Variants in STK32B observed in about 807,000 individuals in gnomAD.
STK32B encodes serine/threonine-protein kinase 32B.
In STK32B, 43 loss-of-function variants were observed where a neutral mutation model predicts 52.6. The observed-to-expected ratio is 0.82, with a 90% CI of 0.64 to 1.05. STK32B has a LOEUF of 1.05. STK32B is among the 50% of genes least tolerant of loss of function. STK32B has a pLI of 0.00. For missense variants in STK32B, 621 were observed against 534.6 expected, an observed-to-expected ratio of 1.16 and a Z score of -1.59; for synonymous variants, 238 against 204.3, an observed-to-expected ratio of 1.17 and a Z score of -1.41.
chr4:5,272,401 G>C (rs372232936), intron 3 of STK32B, among the ~76,000 whole-genome samples: 1 of 141,350 alleles, frequency 7.1e-6, no homozygotes, highest in African/African-American at 2.9e-5. Flanking sequence ...GCTGGATTCG[G>C]TTTGCCAGTA....
intron 4 of STK32B, among the ~76,000 whole-genome samples, chr4:5,389,292 G>GT (rs1736450276): frequency 6.6e-6 from 1 of 152,186 alleles, no homozygotes; most frequent in Non-Finnish European, 1.5e-5. Flanking sequence ...GCCTACCTGT[G>GT]TTTGTCTGCT....
intron 3 of STK32B, among the ~76,000 whole-genome samples, chr4:5,204,895 C>T (rs1722447876): frequency 6.6e-6 from 1 of 152,204 alleles, no homozygotes; most frequent in African/African-American, 2.4e-5. Flanking sequence ...TTTCTATCAA[C>T]TTGACTGGTC....
At chr4:5,473,965 T>C (rs1718035380) in intron 11 of STK32B, among the ~76,000 whole-genome samples, 1 of 151,962 alleles carries the variant, frequency 6.6e-6, no homozygotes, top group South Asian at 2.1e-4. Context: ...AATACAAAAA[T>C]TAGTCTGGTG....
At chr4:5,357,695 C>T (rs937322476) in intron 4 of STK32B, among the ~76,000 whole-genome samples, 2 of 124,494 alleles carry the variant, frequency 1.6e-5, no homozygotes, top group African/African-American at 7.0e-5. Flanking sequence ...ACATTCTGAC[C>T]TGCTAGTTTC....
At chr4:5,163,882 G>C (rs1180612626) in intron 2 of STK32B, among the ~76,000 whole-genome samples, 5 of 152,176 alleles carry the variant, frequency 3.3e-5, no homozygotes, top group Admixed American at 2.0e-4. Context: ...CTAAGGGTTT[G>C]GTTCCAGGCA....
intron 1 of STK32B, among the ~76,000 whole-genome samples, chr4:5,090,868 G>A (rs1713042453): frequency 6.6e-6 from 1 of 152,012 alleles, no homozygotes; most frequent in Admixed American, 6.6e-5. Context: ...TGCTCTATTG[G>A]TCTATATGAA....
rs1296048957 is a variant in STK32B at position 5,363,675 on chromosome 4, T to C, written c.434+32282T>C. Among the ~76,000 whole-genome samples the C allele has an allele frequency of 2.0e-5, 3 of 152,206 alleles. No individual in the cohort carries two copies. The East Asian group carries it at 5.8e-4, about 29-fold the overall frequency. Reference sequence around the variant, plus strand: ...CATGCTCTAATCAGCCAAAGAATTATGGGTGGAGAAAAGCATTTTTGAGCC... The same window carrying C: ...CATGCTCTAATCAGCCAAAGAATTACGGGTGGAGAAAAGCATTTTTGAGCC... On this transcript the variant is annotated intron_variant, in intron 4 of 11. Transcript: ENST00000282908.
rs1384126958 is a variant in STK32B, at chr4:5,399,849, C to T, written c.472+1605C>T. On this transcript the variant is annotated intron_variant, in intron 5 of 11. Coordinates refer to ENST00000282908, the MANE Select transcript of STK32B (RefSeq NM_018401.3). This position sits in a 1 kb window ranked among gnomAD's most constrained non-coding sequence, Gnocchi z 5.4. ...AAGGGGTAGATAACTCGCCCTCTTC[C>T]TGTCCCCTTTCTCTGCTCAGGGCCA... is the stretch of plus-strand genomic sequence containing the variant. 6.6e-6 allele frequency among the ~76,000 whole-genome samples: 1 copy of T among 152,154 alleles called. No homozygotes were observed. Among genetic ancestry groups the T allele is most frequent in the Non-Finnish European group, 1.5e-5 (1 of 68,030 alleles).
intron 4 of STK32B, among the ~76,000 whole-genome samples, chr4:5,371,475 G>A (rs890173484): frequency 2.8e-4 from 43 of 152,278 alleles, no homozygotes; most frequent in African/African-American, 1.0e-3. Flanking sequence ...AGCAGGTTCA[G>A]GGGAGCCTGT....
chr4:5,184,727 T>G (rs1217736007), intron 3 of STK32B, among the ~76,000 whole-genome samples: 1 of 146,252 alleles, frequency 6.8e-6, no homozygotes, highest in Non-Finnish European at 1.5e-5. Context: ...AAAACAAAGA[T>G]CACTGCCATA....
At chr4:5,122,970 C>T (rs1340070743) in intron 1 of STK32B, among the ~76,000 whole-genome samples, 1 of 152,184 alleles carries the variant, frequency 6.6e-6, no homozygotes, top group Non-Finnish European at 1.5e-5. Context: ...CCTGCACCAG[C>T]TCATGCATTT....
At position 5,395,009 on chromosome 4, in the gene STK32B, A is replaced by G. The variant is rs74945263; in HGVS notation, c.435-3198A>G. On this transcript the variant is annotated intron_variant, in intron 4 of 11. Transcript: ENST00000282908. This position sits in a 1 kb window ranked among gnomAD's most constrained non-coding sequence, Gnocchi z 4.4. ...ACCGGGCTGCACTCCTTTCTGGAAC[A>G]TGGGGTGGGGTTCTCTCCCAGGCTC... Among the ~76,000 whole-genome samples the G allele has an allele frequency of 0.036, 5,458 of 152,232 alleles. 155 individuals are homozygous for G. Among genetic ancestry groups the G allele is most frequent in the East Asian group, 0.085 (439 of 5,172 alleles).
chr4:5,357,302 A>T (rs1734253196), intron 4 of STK32B, among the ~76,000 whole-genome samples: 1 of 123,154 alleles, frequency 8.1e-6, no homozygotes, highest in Non-Finnish European at 1.6e-5. Context: ...GGATAAATAC[A>T]CGGTCCCTTT....
chr4:5,320,299 A>T (rs1209149925), intron 3 of STK32B, among the ~76,000 whole-genome samples: 11 of 151,996 alleles, frequency 7.2e-5, no homozygotes, highest in Non-Finnish European at 1.2e-4. Flanking sequence ...AGGCATATTC[A>T]CCCTGCAGAA....
intron 4 of STK32B, among the ~76,000 whole-genome samples, chr4:5,397,638 G>C (rs560046160): frequency 7.2e-5 from 11 of 152,338 alleles, no homozygotes; most frequent in Admixed American, 3.3e-4. Context: ...GTGCTCCTCT[G>C]TGTGTCTGTG....
intron 3 of STK32B, among the ~76,000 whole-genome samples, chr4:5,231,584 C>G (rs1724273415): frequency 1.3e-5 from 2 of 152,246 alleles, no homozygotes; most frequent in South Asian, 2.1e-4. Context: ...GGCACTCCAG[C>G]CTGGGCAGCA....
intron 3 of STK32B, among the ~76,000 whole-genome samples, chr4:5,209,710 T>C (rs1722791904): frequency 6.6e-6 from 1 of 152,244 alleles, no homozygotes; most frequent in Admixed American, 6.5e-5. Context: ...TGCTGGTCTC[T>C]GTGTTAGATC....
chr4:5,194,531 A>G (rs1286589309), intron 3 of STK32B, among the ~76,000 whole-genome samples: 1 of 152,218 alleles, frequency 6.6e-6, no homozygotes, highest in African/African-American at 2.4e-5. Flanking sequence ...GTGAAAATGT[A>G]TGCGCCAGAG....
intron 3 of STK32B, among the ~76,000 whole-genome samples, chr4:5,233,129 C>T (rs1724389336): frequency 6.6e-6 from 1 of 152,104 alleles, no homozygotes; most frequent in South Asian, 2.1e-4. Flanking sequence ...ATGACCTTGA[C>T]TATACAGTTT....
Sources: allele counts gnomAD v4.1 joint callset (sites outside exome capture counted in the v4.1 genomes callset), GRCh38; gene constraint gnomAD v4.1.1; non-coding constraint Gnocchi (gnomAD v3.1); transcripts MANE v1.5; gene names NCBI Gene and HGNC (gene_info 2026-07-23, HGNC 2026-07-21).